The following UNC5C variants were observed in gnomAD, a reference collection of about 807,000 sequenced individuals.
UNC5C encodes the protein netrin receptor UNC5C.
UNC5C carries 47 observed loss-of-function variants against 99.8 expected under a neutral mutation model. That is an observed-to-expected ratio of 0.47 (90% CI 0.37 to 0.60). The LOEUF (loss-of-function observed/expected upper bound fraction) is 0.60, where lower values mean the gene tolerates loss of function less well. UNC5C is among the 20% of genes least tolerant of loss of function. The pLI, the probability that UNC5C is intolerant of heterozygous loss-of-function variation, is 0.00. For missense variants in UNC5C, 1,062 were observed against 1,165.9 expected (o/e 0.91, Z 1.30); for synonymous variants, 487 against 452.2 (o/e 1.08, Z -0.98).
chr4:95,316,351 T>TG (rs1350109986), intron 2 of UNC5C, among the ~76,000 whole-genome samples: 2 of 152,148 alleles, frequency 1.3e-5, no homozygotes, highest in East Asian at 1.9e-4. Context: ...AAGTGCTTTT[T>TG]GTTACAAAGC....
intron 1 of UNC5C, among the ~76,000 whole-genome samples, chr4:95,502,272 TA>T (rs1721794210): frequency 6.6e-6 from 1 of 152,120 alleles, no homozygotes; most frequent in Non-Finnish European, 1.5e-5. Flanking sequence ...AATTATCATA[TA>T]AACTTTTTTT....
intron 1 of UNC5C, among the ~76,000 whole-genome samples, chr4:95,463,917 CTAT>C (rs1747690321): frequency 6.6e-6 from 1 of 152,272 alleles, no homozygotes; most frequent in East Asian, 1.9e-4. Context: ...AACTCTCCAA[CTAT>C]TATTAAGTCA....
At chr4:95,285,085 CA>C (rs1459358894) in intron 3 of UNC5C, among the ~76,000 whole-genome samples, 1 of 152,112 alleles carries the variant, frequency 6.6e-6, no homozygotes, top group Non-Finnish European at 1.5e-5. Context: ...AGAAGATAAG[CA>C]TGTTTTATTC....
At chr4:95,264,293 T>A (rs909062734) in intron 4 of UNC5C, among the ~76,000 whole-genome samples, 1 of 152,210 alleles carries the variant, frequency 6.6e-6, no homozygotes, top group East Asian at 1.9e-4. Context: ...AAGGTTTACA[T>A]GCCACTCTGA....
chr4:95,238,642 C>A (rs1329592903), intron 7 of UNC5C, among the ~76,000 whole-genome samples: 2 of 152,088 alleles, frequency 1.3e-5, no homozygotes, highest in African/African-American at 4.8e-5. Flanking sequence ...ACCTGAAAAT[C>A]TTTTAAATTT....
At chr4:95,468,791 A>G (rs1325670716) in intron 1 of UNC5C, among the ~76,000 whole-genome samples, 1 of 152,106 alleles carries the variant, frequency 6.6e-6, no homozygotes, top group African/African-American at 2.4e-5. Context: ...CAAGTTGACC[A>G]CTTTGACACC....
chr4:95,193,316 A>G (rs751014567), intron 12 of UNC5C, among the ~76,000 whole-genome samples: 21 of 152,130 alleles, frequency 1.4e-4, no homozygotes, highest in Admixed American at 7.9e-4. Context: ...CCAGCCTGGC[A>G]CTCTGGCTGT....
intron 4 of UNC5C, among the ~76,000 whole-genome samples, chr4:95,266,085 C>A (rs1226989640): frequency 6.6e-6 from 1 of 152,078 alleles, no homozygotes; most frequent in African/African-American, 2.4e-5. Context: ...TTCATAATAC[C>A]AAATTAATAA....
chr4:95,497,762 G>C (rs1465085371), intron 1 of UNC5C, among the ~76,000 whole-genome samples: 1 of 151,928 alleles, frequency 6.6e-6, no homozygotes, highest in Admixed American at 6.6e-5. Flanking sequence ...AGAAAGTTAA[G>C]AAACTGTAGC....
At chr4:95,497,002 C>T (rs1721647300) in intron 1 of UNC5C, among the ~76,000 whole-genome samples, 1 of 151,958 alleles carries the variant, frequency 6.6e-6, no homozygotes, top group East Asian at 1.9e-4. Context: ...CTGCAAAAGA[C>T]ATTATTTCAT....
In UNC5C at chr4:95,424,261, T is replaced by C. The variant is rs1746399670; in HGVS notation, c.125-88630A>G. On this transcript the variant is annotated intron_variant, in intron 1 of 15. Transcript: ENST00000453304. The stretch of plus-strand genomic sequence containing the variant: ...TGACATCCCTCCCTACCCCCACCCC[T>C]CATTCCAAGTGTATGTGTGTGTGTA... Among the ~76,000 whole-genome samples, 3 of 142,640 alleles carry C rather than the reference T, an allele frequency of 2.1e-5. No homozygotes were observed. The South Asian group carries it at 7.6e-4, about 36-fold the overall frequency. 93.6% of individuals were successfully genotyped at this position (142,640 alleles called of 152,430 possible).
intron 1 of UNC5C, among the ~76,000 whole-genome samples, chr4:95,354,480 T>TATATATATATATATATATA (rs760696053): frequency 1.2e-4 from 13 of 105,626 alleles, no homozygotes; most frequent in African/African-American, 2.9e-4. Flanking sequence ...TATATATATA[T>TATATATATATATATATATA]TTTTTTTTTT....
intron 1 of UNC5C, among the ~76,000 whole-genome samples, chr4:95,477,062 G>C (rs765122448): frequency 1.3e-5 from 2 of 152,088 alleles, no homozygotes; most frequent in Non-Finnish European, 2.9e-5. Flanking sequence ...GAGACAGCAA[G>C]AGAAATGGAA....
Position 95,219,193 on chromosome 4 carries a change from A to T in UNC5C, c.1421T>A (p.Leu474Gln). 1 of 1,614,202 alleles carries T rather than the reference A, an allele frequency of 6.2e-7. No individual in the cohort carries two copies. The highest frequency in any genetic ancestry group is 8.5e-7 in the Non-Finnish European group (1 of 1,180,030). Reference sequence around the variant, plus strand: ...GTACACTTTGATTTTCAGGTTGGGCAGTGGATCCAGAATTGGAGAGTTGGT... The same window carrying T: ...GTACACTTTGATTTTCAGGTTGGGCTGTGGATCCAGAATTGGAGAGTTGGT... ...PMTNSPILDP[L>Q]PNLKIKVYNT... is the part of the protein sequence containing the mutation. The change falls in exon 9 of 16, where the codon CTG becomes CAG. Residue 474 changes from leucine to glutamine, a missense_variant. This residue lies in a region of UNC5C where 810 missense variants were observed against 854.5 expected (regional missense o/e 0.95). Transcript: ENST00000453304.
In UNC5C at chr4:95,369,885, G is replaced by GC. The variant is rs780596482; in HGVS notation, c.125-34255dup. 3.2e-3 allele frequency among the ~76,000 whole-genome samples: 477 copies of GC among 151,286 alleles called. 1 individual carries two copies. Among genetic ancestry groups the GC allele is most frequent in the Non-Finnish European group, 4.8e-3 (327 of 67,852 alleles). The stretch of plus-strand genomic sequence containing the variant: ...AGTATGGATAAAACTGCTTTTTGTA[G>GC]CCCCCCCTTTTTTTTTTCAAAACTG... On this transcript the variant is annotated intron_variant, in intron 1 of 15. Transcript: ENST00000453304.
chr4:95,478,549 G>T (rs1370492797), intron 1 of UNC5C, among the ~76,000 whole-genome samples: 1 of 151,942 alleles, frequency 6.6e-6, no homozygotes, highest in Non-Finnish European at 1.5e-5. Context: ...TATCTGAGTG[G>T]TTATTTCTAT....
intron 1 of UNC5C, among the ~76,000 whole-genome samples, chr4:95,354,788 G>A (rs1744122709): frequency 6.6e-6 from 1 of 151,924 alleles, no homozygotes; most frequent in African/African-American, 2.4e-5. Context: ...TGCCCAGCCA[G>A]CATCATTTCT....
At chr4:95,444,282 G>A (rs1006927192) in intron 1 of UNC5C, among the ~76,000 whole-genome samples, 1 of 151,772 alleles carries the variant, frequency 6.6e-6, no homozygotes, top group Non-Finnish European at 1.5e-5. Context: ...TATAAAGTGG[G>A]GATACTTGCT....
At chr4:95,548,472 C>G (rs1490781307) in intron 1 of UNC5C, among the ~76,000 whole-genome samples, 1 of 152,042 alleles carries the variant, frequency 6.6e-6, no homozygotes, top group African/African-American at 2.4e-5. Flanking sequence ...CGTATGGAGA[C>G]GGATCGGCTG....
Sources: allele counts gnomAD v4.1 joint callset (sites outside exome capture counted in the v4.1 genomes callset), GRCh38; gene constraint gnomAD v4.1.1; regional missense constraint gnomAD v4.1.1; transcripts MANE v1.5; gene names NCBI Gene and HGNC (gene_info 2026-07-23, HGNC 2026-07-21).